SPAG16: variants seen among roughly 807,000 people sequenced by gnomAD.
SPAG16 encodes the protein sperm-associated antigen 16 protein.
SPAG16 carries 86 observed loss-of-function variants against 80.4 expected under a neutral mutation model. The ratio of observed to expected loss-of-function variants is 1.07; its 90% CI spans 0.90 to 1.28. The LOEUF (loss-of-function observed/expected upper bound fraction) is 1.28. SPAG16 is among the 50% of genes most tolerant of loss of function. The pLI, the probability that SPAG16 is intolerant of heterozygous loss-of-function variation, is 0.00. For missense variants in SPAG16, 870 were observed against 765.3 expected (o/e 1.14, Z -1.61); for synonymous variants, 294 against 265.9 (o/e 1.11, Z -1.03).
At chr2:213,344,065 G>C (rs150973072) in intron 6 of SPAG16, among the ~76,000 whole-genome samples, 257 of 152,210 alleles carry the variant, frequency 1.7e-3, no homozygotes, top group African/African-American at 5.9e-3. Context: ...AGCCAGGACT[G>C]TACTTATTTT....
rs543492583 is a variant in SPAG16 at position 214,101,971 on chromosome 2, G to C, written c.1528-6225G>C. On this transcript the variant is annotated intron_variant, in intron 13 of 15. Coordinates refer to ENST00000331683, the MANE Select transcript of SPAG16 (RefSeq NM_024532.5). Reference sequence around the variant, plus strand: ...AAAGTCAATGGGTGAATATGCTCCCGGGTTAGAACTACACTGAAGCAAAGG... The same window carrying C: ...AAAGTCAATGGGTGAATATGCTCCCCGGTTAGAACTACACTGAAGCAAAGG... Among the ~76,000 whole-genome samples, 37 of 152,144 alleles carry C rather than the reference G, an allele frequency of 2.4e-4. No homozygotes were observed. In the South Asian group the frequency reaches 6.6e-3, roughly 27 times the overall value.
intron 11 of SPAG16, among the ~76,000 whole-genome samples, chr2:213,910,950 GA>G (rs770764141): frequency 2.0e-4 from 31 of 152,250 alleles, no homozygotes; most frequent in Non-Finnish European, 4.4e-5. Flanking sequence ...GAGCCAGAAT[GA>G]GAAGCCAACC....
chr2:213,805,556 C>T (rs944073078), intron 10 of SPAG16, among the ~76,000 whole-genome samples: 1 of 152,084 alleles, frequency 6.6e-6, no homozygotes, highest in Non-Finnish European at 1.5e-5. Flanking sequence ...GGGGTGTTGT[C>T]GAAACTGTAG....
intron 11 of SPAG16, among the ~76,000 whole-genome samples, chr2:213,879,874 C>A (rs928321606): frequency 6.6e-6 from 1 of 152,104 alleles, no homozygotes; most frequent in Non-Finnish European, 1.5e-5. Flanking sequence ...TTTATTTATC[C>A]AATCCACCGT....
intron 12 of SPAG16, among the ~76,000 whole-genome samples, chr2:213,989,902 A>G (rs1386909537): frequency 6.6e-6 from 1 of 152,140 alleles, no homozygotes; most frequent in East Asian, 1.9e-4. Context: ...ATGTTATTAA[A>G]TAGTCATAGC....
chr2:214,100,982 TTAAG>T (rs763949033), intron 13 of SPAG16, among the ~76,000 whole-genome samples: 2 of 152,168 alleles, frequency 1.3e-5, no homozygotes, highest in African/African-American at 4.8e-5. Flanking sequence ...AATTCATTGA[TTAAG>T]TAAGTCATTA....
At chr2:213,792,736 A>G (rs2070782692) in intron 10 of SPAG16, among the ~76,000 whole-genome samples, 1 of 150,218 alleles carries the variant, frequency 6.7e-6, no homozygotes, top group Admixed American at 6.7e-5. Context: ...GGCATGAGCC[A>G]CTGTGCCCAG....
At chr2:214,037,864 G>GGTGT (rs35564156) in intron 13 of SPAG16, among the ~76,000 whole-genome samples, 17,409 of 132,660 alleles carry the variant, frequency 0.13, 1,220 homozygotes, top group East Asian at 0.17. Context: ...CCAGAAGCCT[G>GGTGT]GTGTGTGTGT....
intron 12 of SPAG16, among the ~76,000 whole-genome samples, chr2:214,002,366 G>A (rs531587609): frequency 6.6e-6 from 1 of 152,060 alleles, no homozygotes; most frequent in Non-Finnish European, 1.5e-5. Flanking sequence ...AATAAATAAG[G>A]CAAGGGGAAC....
chr2:213,869,262 A>ATAT (rs1271904760), intron 11 of SPAG16, among the ~76,000 whole-genome samples: 16 of 12,348 alleles, frequency 1.3e-3, no homozygotes, highest in East Asian at 0.01. Flanking sequence ...TCAAAAAAAA[A>ATAT]AAATATATAT....
chr2:213,794,988 A>G (rs1445823056), intron 10 of SPAG16, among the ~76,000 whole-genome samples: 2 of 152,156 alleles, frequency 1.3e-5, no homozygotes, highest in African/African-American at 4.8e-5. Context: ...ATTAAAATTA[A>G]TATGCATTCT....
At chr2:213,721,259 C>A (rs1467876231) in intron 10 of SPAG16, among the ~76,000 whole-genome samples, 1 of 151,896 alleles carries the variant, frequency 6.6e-6, no homozygotes, top group Non-Finnish European at 1.5e-5. Context: ...CCAACCCGCC[C>A]AGCTCATTTT....
chr2:213,780,492 A>T (rs1227741072), intron 10 of SPAG16, among the ~76,000 whole-genome samples: 2 of 151,186 alleles, frequency 1.3e-5, no homozygotes, highest in East Asian at 3.9e-4. Context: ...AACTATGTGG[A>T]ATCTGGTGTT....
intron 15 of SPAG16, among the ~76,000 whole-genome samples, chr2:214,384,726 C>T (rs1329116312): frequency 6.6e-6 from 1 of 152,200 alleles, no homozygotes; most frequent in East Asian, 1.9e-4. Flanking sequence ...TGCAATAGGT[C>T]ATCAAACATG....
intron 10 of SPAG16, among the ~76,000 whole-genome samples, chr2:213,728,718 A>G (rs1369801615): frequency 1.3e-5 from 2 of 151,804 alleles, no homozygotes; most frequent in African/African-American, 4.8e-5. Context: ...TCTACTAAAA[A>G]TACGAAAAAT....
intron 10 of SPAG16, among the ~76,000 whole-genome samples, chr2:213,629,019 A>C (rs1240009139): frequency 1.3e-5 from 2 of 152,208 alleles, no homozygotes; most frequent in East Asian, 3.8e-4. Flanking sequence ...GGCCTATTAC[A>C]ATACAGTGTT....
chr2:213,317,389 T>C (rs2063442063), intron 5 of SPAG16, 33 bp downstream of exon 5: 3 of 1,588,628 alleles, frequency 1.9e-6, no homozygotes, highest in Admixed American at 1.8e-5. Context: ...TTTTCTTCTT[T>C]TTCTTTTGGA....
chr2:214,095,566 G>C (rs1331265466), intron 13 of SPAG16, among the ~76,000 whole-genome samples: 2 of 151,992 alleles, frequency 1.3e-5, no homozygotes, highest in African/African-American at 4.8e-5. Context: ...ATAAAACTGA[G>C]AATATTTTAT....
intron 10 of SPAG16, among the ~76,000 whole-genome samples, chr2:213,657,239 G>A (rs1028361941): frequency 1.3e-5 from 2 of 152,048 alleles, no homozygotes; most frequent in African/African-American, 4.8e-5. Flanking sequence ...TATATAACTG[G>A]CTGGATTTTA....
Sources: allele counts gnomAD v4.1 joint callset (sites outside exome capture counted in the v4.1 genomes callset), GRCh38; gene constraint gnomAD v4.1.1; transcripts MANE v1.5; gene names NCBI Gene and HGNC (gene_info 2026-07-23, HGNC 2026-07-21).